ARFIP1: variants seen among roughly 807,000 people sequenced by gnomAD.
The protein encoded by ARFIP1 is ARF interacting protein 1.
A neutral mutation model predicts 42.5 loss-of-function variants in ARFIP1; 24 were observed. The ratio of observed to expected loss-of-function variants is 0.57; its 90% CI spans 0.41 to 0.80. The LOEUF (loss-of-function observed/expected upper bound fraction) is 0.80. ARFIP1 is among the 30% of genes least tolerant of loss of function. The pLI is 0.00. For synonymous variants in ARFIP1, 141 were observed against 153.7 expected, an observed-to-expected ratio of 0.92 and a Z score of 0.61; for missense variants, 354 against 434.0, an observed-to-expected ratio of 0.82 and a Z score of 1.64.
intron 5 of ARFIP1, among the ~76,000 whole-genome samples, chr4:152,877,455 C>G (rs1578990859): frequency 6.6e-6 from 1 of 152,248 alleles, no homozygotes; most frequent in South Asian, 2.1e-4. Flanking sequence ...TACCTGTACC[C>G]CCATTGTATC....
intron 1 of ARFIP1, among the ~76,000 whole-genome samples, chr4:152,806,090 CAG>C (rs1490328002): frequency 1.3e-5 from 2 of 152,200 alleles, no homozygotes; most frequent in Non-Finnish European, 2.9e-5. Flanking sequence ...AAATGAGGAA[CAG>C]AAGAATTTTT....
intron 8 of ARFIP1, among the ~76,000 whole-genome samples, chr4:152,897,148 C>A (rs1325571982): frequency 6.6e-6 from 1 of 152,088 alleles, no homozygotes; most frequent in East Asian, 1.9e-4. Context: ...TTTATATAAA[C>A]CATACAACCA....
intron 1 of ARFIP1, among the ~76,000 whole-genome samples, chr4:152,812,668 C>G (rs2149833698): frequency 6.6e-6 from 1 of 152,338 alleles, no homozygotes; most frequent in African/African-American, 2.4e-5. Flanking sequence ...ACCCCACAAA[C>G]ATTCTCAAAT....
intron 3 of ARFIP1, among the ~76,000 whole-genome samples, chr4:152,864,661 G>T (rs1734171195): frequency 6.6e-6 from 1 of 152,170 alleles, no homozygotes; most frequent in Non-Finnish European, 1.5e-5. Context: ...TAGACTTCCA[G>T]AAGGAAAGCA....
At chr4:152,859,668 GGTTT>G (rs1733722029) in intron 2 of ARFIP1, among the ~76,000 whole-genome samples, 1 of 151,616 alleles carries the variant, frequency 6.6e-6, no homozygotes, top group Non-Finnish European at 1.5e-5. Context: ...TGCATTTTTT[GGTTT>G]GTACTCTGTA....
intron 5 of ARFIP1, among the ~76,000 whole-genome samples, chr4:152,880,350 CAAAA>C (rs200632915): frequency 8.0e-6 from 1 of 125,528 alleles, no homozygotes; most frequent in African/African-American, 3.2e-5. Flanking sequence ...CCATCTCAGA[CAAAA>C]AAAAAAAAAA....
chr4:152,805,730 A>C (rs1732244624), intron 1 of ARFIP1, among the ~76,000 whole-genome samples: 1 of 152,152 alleles, frequency 6.6e-6, no homozygotes, highest in Non-Finnish European at 1.5e-5. Context: ...TAAATACTTT[A>C]TGTTTTTATT....
rs1472505184 is a variant in ARFIP1, at chr4:152,907,536, T to A, written c.967-2528T>A. 2.6e-5 allele frequency among the ~76,000 whole-genome samples: 4 copies of A among 152,344 alleles called. No individual in the cohort carries two copies. In the South Asian group the frequency reaches 6.2e-4, roughly 24 times the overall value. ...TCCCTCTATAAACCTATTCTGAATTTGTTTATTGTTCCTATTGGTTTTCTT... is the reference window on the plus strand; with the variant it reads ...TCCCTCTATAAACCTATTCTGAATTAGTTTATTGTTCCTATTGGTTTTCTT... On this transcript the variant is annotated intron_variant, in intron 8 of 8. Coordinates refer to ENST00000353617, the MANE Select transcript of ARFIP1 (RefSeq NM_001025595.3).
At chr4:152,896,277 A>G (rs1397420615) in intron 8 of ARFIP1, among the ~76,000 whole-genome samples, 1 of 152,210 alleles carries the variant, frequency 6.6e-6, no homozygotes, top group Non-Finnish European at 1.5e-5. Flanking sequence ...GGCCTACACA[A>G]AGGTGAAATA....
In ARFIP1 at chr4:152,841,994, T is replaced by C. The variant is rs1163021940; in HGVS notation, c.93+12268T>C. The stretch of plus-strand genomic sequence containing the variant: ...CCCAGCAGCACTTGGGTTTTCCTGT[T>C]GAGAGCGGGGACTGAGAGACAGGAC... On this transcript the variant is annotated intron_variant, in intron 2 of 8. Coordinates refer to ENST00000353617, the MANE Select transcript of ARFIP1 (RefSeq NM_001025595.3). Among the ~76,000 whole-genome samples, 3 of 152,144 alleles carry C rather than the reference T, an allele frequency of 2.0e-5. No homozygotes were observed. The East Asian group carries it at 5.8e-4, about 29-fold the overall frequency.
chr4:152,847,566 AATT>A (rs1316519425), intron 2 of ARFIP1, among the ~76,000 whole-genome samples: 14 of 151,972 alleles, frequency 9.2e-5, no homozygotes, highest in African/African-American at 1.9e-4. Flanking sequence ...ATAAAAATAA[AATT>A]ATTATTTTAA....
chr4:152,888,242 A>C lies in ARFIP1; in HGVS notation c.901A>C (p.Lys301Gln), dbSNP rs1355005589. 1.9e-6 allele frequency: 3 copies of C among 1,610,424 alleles called. No homozygotes were observed. The highest frequency in any genetic ancestry group is 2.5e-6 in the Non-Finnish European group (3 of 1,178,378). Reference protein sequence around the residue: ...EQSQHLFQAHKEKYDKMRNDV... With the variant: ...EQSQHLFQAHQEKYDKMRNDV... The stretch of plus-strand genomic sequence containing the variant: ...GTCACAGCATCTCTTCCAAGCACAT[A>C]AGGAAAAATATGATAAAATGCGCAA... Residue 301 changes from lysine (K) to glutamine (Q), a missense_variant, in exon 8 of 9, where the codon AAG becomes CAG. By Grantham distance (53) the Lys-to-Gln change is moderately conservative (BLOSUM62 1). Coordinates refer to ENST00000353617, the MANE Select transcript of ARFIP1 (RefSeq NM_001025595.3).
rs529942611 is a variant in ARFIP1, at chr4:152,867,323, G to A, written c.203-3430G>A. The stretch of plus-strand genomic sequence containing the variant: ...AGCCCGGCCAACACAGCGAAACCCC[G>A]TCTCCACCAAAAAAACACAAAAACC... On this transcript the variant is annotated intron_variant, in intron 3 of 8. Transcript: ENST00000353617. Among the ~76,000 whole-genome samples the A allele has an allele frequency of 8.9e-3, 1,354 of 152,220 alleles. 9 individuals are homozygous for A. The highest frequency in any genetic ancestry group is 0.015 in the Non-Finnish European group (1,018 of 68,004).
chr4:152,813,778 T>A (rs1578853686), intron 1 of ARFIP1, among the ~76,000 whole-genome samples: 1 of 152,090 alleles, frequency 6.6e-6, no homozygotes, highest in Non-Finnish European at 1.5e-5. Context: ...CAGAAGATAA[T>A]CTTATAACAT....
At chr4:152,863,003 T>C (rs1415448970) in intron 2 of ARFIP1, among the ~76,000 whole-genome samples, 1 of 152,224 alleles carries the variant, frequency 6.6e-6, no homozygotes, top group African/African-American at 2.4e-5. Flanking sequence ...TTTTATACTT[T>C]TTAAGCTCTT....
At chr4:152,859,525 A>C (rs1733709244) in intron 2 of ARFIP1, among the ~76,000 whole-genome samples, 1 of 152,166 alleles carries the variant, frequency 6.6e-6, no homozygotes, top group African/African-American at 2.4e-5. Flanking sequence ...GGATTTTCAC[A>C]AGTGTTCCAA....
At chr4:152,826,238 A>G (rs1265108734) in intron 1 of ARFIP1, among the ~76,000 whole-genome samples, 1 of 152,232 alleles carries the variant, frequency 6.6e-6, no homozygotes, top group East Asian at 1.9e-4. Context: ...ACAACCAATG[A>G]GTAGATAAAG....
chr4:152,787,578 G>A (rs897626611), intron 1 of ARFIP1, among the ~76,000 whole-genome samples: 7 of 152,210 alleles, frequency 4.6e-5, no homozygotes, highest in Non-Finnish European at 8.8e-5. Context: ...ATTCAGAGAC[G>A]GGAATGATAG....
chr4:152,836,222 A>G (rs1731638642), intron 2 of ARFIP1, among the ~76,000 whole-genome samples: 1 of 152,218 alleles, frequency 6.6e-6, no homozygotes, highest in Admixed American at 6.5e-5. Context: ...ACTATAGTTT[A>G]TTGACTATGT....
Sources: gnomAD v4.1 joint callset for allele counts (sites outside exome capture counted in the v4.1 genomes callset) on GRCh38, gnomAD v4.1.1 for gene constraint, MANE v1.5 for transcripts, NCBI Gene and HGNC (gene_info 2026-07-23, HGNC 2026-07-21) for gene names.